The following CACNA2D1 variants were observed in gnomAD, a reference collection of about 807,000 sequenced individuals.
CACNA2D1 encodes the protein calcium voltage-gated channel auxiliary subunit alpha2delta 1, also known as voltage-dependent calcium channel subunit alpha-2/delta-1.
A neutral mutation model predicts 171.5 loss-of-function variants in CACNA2D1; 53 were observed. That is an observed-to-expected ratio of 0.31 (90% CI 0.25 to 0.39). The LOEUF is 0.39. Among genes scored for constraint, CACNA2D1 ranks in the 10% least tolerant of loss-of-function variants. CACNA2D1 has a pLI of 1.00. For synonymous variants in CACNA2D1, 442 were observed against 443.1 expected (o/e 1.00, Z 0.03); for missense variants, 903 against 1,299.8 (o/e 0.69, Z 4.69).
intron 3 of CACNA2D1, among the ~76,000 whole-genome samples, chr7:82,274,063 G>A (rs1344185146): frequency 6.6e-6 from 1 of 151,824 alleles, no homozygotes; most frequent in Non-Finnish European, 1.5e-5. Flanking sequence ...ATATACTCTC[G>A]CACTTGCTCA....
At chr7:82,259,112 C>A (rs1806735012) in intron 3 of CACNA2D1, among the ~76,000 whole-genome samples, 1 of 151,986 alleles carries the variant, frequency 6.6e-6, no homozygotes, top group Non-Finnish European at 1.5e-5. Flanking sequence ...CAGGCGTGAG[C>A]CACCACACGT....
intron 12 of CACNA2D1, among the ~76,000 whole-genome samples, chr7:82,014,755 G>T (rs1426910069): frequency 6.6e-6 from 1 of 152,098 alleles, no homozygotes; most frequent in African/African-American, 2.4e-5. Context: ...TTCATTCATA[G>T]AAAGTACATC....
rs953309288 is a variant in CACNA2D1, at chr7:82,400,578, G to A, written c.95+42787C>T. Among the ~76,000 whole-genome samples the A allele has an allele frequency of 5.6e-4, 85 of 151,984 alleles. 2 individuals are homozygous for A. Among genetic ancestry groups the A allele is most frequent in the African/African-American group, 3.1e-4 (13 of 41,514 alleles). Reference sequence around the variant, plus strand: ...TTCAAGATGGATTAAAGACTTAAACGTTAGACCTAAAACCATAAAAACCCT... The same window carrying A: ...TTCAAGATGGATTAAAGACTTAAACATTAGACCTAAAACCATAAAAACCCT... On this transcript the variant is annotated intron_variant, in intron 1 of 38. Transcript: ENST00000356860.
At chr7:81,961,593 T>A (rs1794125729) in intron 36 of CACNA2D1, among the ~76,000 whole-genome samples, 1 of 151,730 alleles carries the variant, frequency 6.6e-6, no homozygotes, top group Non-Finnish European at 1.5e-5. Flanking sequence ...TAAAATATAA[T>A]CAAATTTCTC....
At chr7:82,160,537 G>T (rs1794841756) in intron 4 of CACNA2D1, among the ~76,000 whole-genome samples, 1 of 152,012 alleles carries the variant, frequency 6.6e-6, no homozygotes, top group African/African-American at 2.4e-5. Flanking sequence ...AAGGTGAGAA[G>T]AAATGCTCCA....
chr7:82,306,439 A>G (rs1563341713), intron 3 of CACNA2D1, among the ~76,000 whole-genome samples: 1 of 152,174 alleles, frequency 6.6e-6, no homozygotes, highest in African/African-American at 2.4e-5. Flanking sequence ...TCCATCCTCT[A>G]AAGAAGAAGA....
chr7:82,091,301 G>A (rs1312905697), intron 6 of CACNA2D1, among the ~76,000 whole-genome samples: 6 of 152,284 alleles, frequency 3.9e-5, no homozygotes, highest in African/African-American at 1.2e-4. Flanking sequence ...AAGGCTCCAA[G>A]GCACACAAGG....
At chr7:82,241,374 T>G (rs886427370) in intron 3 of CACNA2D1, among the ~76,000 whole-genome samples, 2 of 152,178 alleles carry the variant, frequency 1.3e-5, no homozygotes, top group Non-Finnish European at 2.9e-5. Flanking sequence ...GAGAGAATAG[T>G]GCTAATCTGG....
chr7:82,173,215 G>A (rs991266016), intron 3 of CACNA2D1, among the ~76,000 whole-genome samples: 2 of 151,988 alleles, frequency 1.3e-5, no homozygotes, highest in Admixed American at 6.6e-5. Context: ...GAATAACAGT[G>A]GCAACAAACT....
At chr7:82,379,830 C>A (rs117190823) in intron 1 of CACNA2D1, among the ~76,000 whole-genome samples, 1 of 151,994 alleles carries the variant, frequency 6.6e-6, no homozygotes, top group African/African-American at 2.4e-5. Context: ...TACTATTGTC[C>A]TCTCTTCCTA....
In CACNA2D1 at chr7:82,277,015, G is replaced by A. The variant is rs992952702; in HGVS notation, c.294+58120C>T. Among the ~76,000 whole-genome samples the A allele has an allele frequency of 5.3e-5, 8 of 151,862 alleles. No individual in the cohort carries two copies. In the East Asian group the frequency reaches 1.2e-3, roughly 22 times the overall value. ...CCTGCCTCAGCCTCCCAAAGTGCTG[G>A]GAATACAGGTGGGAGCCACCCTGCC... On this transcript the variant is annotated intron_variant, in intron 3 of 38. Transcript: ENST00000356860.
intron 6 of CACNA2D1, among the ~76,000 whole-genome samples, chr7:82,087,724 C>T (rs1199389567): frequency 6.6e-6 from 1 of 152,048 alleles, no homozygotes; most frequent in Non-Finnish European, 1.5e-5. Flanking sequence ...CTTGAAAAGA[C>T]CAGACTTTTT....
At position 82,084,815 on chromosome 7, in the gene CACNA2D1, C is replaced by A. The variant is rs1231904706; in HGVS notation, c.612G>T (p.Leu204Phe). The A allele has an allele frequency of 6.2e-7, 1 of 1,613,980 alleles. No homozygotes were observed. Among genetic ancestry groups the A allele is most frequent in the Non-Finnish European group, 8.5e-7 (1 of 1,179,910 alleles). Residue 204 changes from leucine to phenylalanine, a missense_variant, in exon 7 of 39, where the codon TTG (leucine) becomes TTT (phenylalanine). Transcript: ENST00000356860. ...CAGTGGCACTGCCAAAAACCTGCCACAATAATGAAGGGTCTTCCTCGCGAT... is the reference window on the plus strand; with the variant it reads ...CAGTGGCACTGCCAAAAACCTGCCAAAATAATGAAGGGTCTTCCTCGCGAT... Reference protein sequence around the residue: ...KKNREEDPSLLWQVFGSATGL... With the variant: ...KKNREEDPSLFWQVFGSATGL...
At chr7:82,255,211 C>T (rs779609994) in intron 3 of CACNA2D1, among the ~76,000 whole-genome samples, 1 of 152,106 alleles carries the variant, frequency 6.6e-6, no homozygotes, top group Non-Finnish European at 1.5e-5. Flanking sequence ...TGTCACCTCC[C>T]GACCACCCAC....
intron 6 of CACNA2D1, among the ~76,000 whole-genome samples, chr7:82,094,459 T>C (rs1811624333): frequency 6.6e-6 from 1 of 152,156 alleles, no homozygotes; most frequent in African/African-American, 2.4e-5. Context: ...GAGATGGACA[T>C]CTGTATACAA....
At chr7:82,379,194 A>C (rs1823392898) in intron 1 of CACNA2D1, among the ~76,000 whole-genome samples, 1 of 152,160 alleles carries the variant, frequency 6.6e-6, no homozygotes, top group South Asian at 2.1e-4. Context: ...CCCAACCATT[A>C]GCATTATAGT....
intron 3 of CACNA2D1, among the ~76,000 whole-genome samples, chr7:82,326,949 A>C (rs372810872): frequency 6.6e-6 from 1 of 152,160 alleles, no homozygotes; most frequent in Non-Finnish European, 1.5e-5. Flanking sequence ...TCATTCTATT[A>C]AGTTTGTGCA....
At chr7:82,000,771 C>CTTTTTTTTTTTTTTTTTTTTTT (rs774565705) in intron 18 of CACNA2D1, among the ~76,000 whole-genome samples, 2 of 51,912 alleles carry the variant, frequency 3.9e-5, no homozygotes, top group Non-Finnish European at 7.2e-5. Flanking sequence ...ATTTTTCTTT[C>CTTTTTTTTTTTTTTTTTTTTTT]TTTTTTTTTT....
At chr7:82,226,510 AT>A (rs1802381540) in intron 3 of CACNA2D1, among the ~76,000 whole-genome samples, 1 of 152,114 alleles carries the variant, frequency 6.6e-6, no homozygotes, top group South Asian at 2.1e-4. Flanking sequence ...GCTCTGAGAT[AT>A]TTTGCCATTC....
Sources: gnomAD v4.1 joint callset for allele counts (sites outside exome capture counted in the v4.1 genomes callset) on GRCh38, gnomAD v4.1.1 for gene constraint, MANE v1.5 for transcripts, NCBI Gene and HGNC (gene_info 2026-07-23, HGNC 2026-07-21) for gene names.